The following FBXO32 variants were observed in gnomAD, a reference collection of about 807,000 sequenced individuals.
FBXO32 encodes the protein F-box protein 32.
A neutral mutation model predicts 48.3 loss-of-function variants in FBXO32; 15 were observed. That is an observed-to-expected ratio of 0.31 (90% CI 0.21 to 0.48). The LOEUF is 0.48. Ranked by LOEUF, FBXO32 falls within the 20% of genes least tolerant of loss-of-function variation. The pLI is 0.99. For missense variants in FBXO32, 309 were observed against 432.7 expected (o/e 0.71, Z 2.54); for synonymous variants, 154 against 165.9 (o/e 0.93, Z 0.55).
At chr8:123,530,580 A>C (rs1412197758) in intron 4 of FBXO32, among the ~76,000 whole-genome samples, 2 of 152,120 alleles carry the variant, frequency 1.3e-5, no homozygotes, top group African/African-American at 4.8e-5. Flanking sequence ...GGTTAAGCTG[A>C]TTTGCTTTAC....
chr8:123,509,147 C>T (rs186962103), intron 6 of FBXO32, among the ~76,000 whole-genome samples: 2 of 151,886 alleles, frequency 1.3e-5, no homozygotes, highest in East Asian at 3.9e-4. Flanking sequence ...ATTATTTTGC[C>T]AATAAAAATT....
Position 123,499,794 on chromosome 8 carries a change from G to C in FBXO32, c.*3579C>G, listed in dbSNP as rs937204243. 1 of 152,196 alleles carries C rather than the reference G, an allele frequency of 6.6e-6. No individual in the cohort carries two copies. The highest frequency in any genetic ancestry group is 1.5e-5 in the Non-Finnish European group (1 of 68,044). The allele number at this position is 152,196 out of a possible 1,614,324, so 9.4% of individuals were successfully genotyped here. ...AAACAACAGAAACAGGAGGCTGTTA[G>C]TAGCAAGCTCCTCATGGGAAAGGGT... On this transcript the variant is annotated 3_prime_UTR_variant, in exon 9 of 9. Coordinates refer to ENST00000517956, the MANE Select transcript of FBXO32 (RefSeq NM_058229.4).
chr8:123,523,749 G>A (rs902534296), intron 4 of FBXO32, among the ~76,000 whole-genome samples: 2 of 152,148 alleles, frequency 1.3e-5, no homozygotes, highest in Non-Finnish European at 2.9e-5. Flanking sequence ...AGTCTCTGAA[G>A]TGGTACTGGA....
chr8:123,532,721 C>A (rs1232822933), intron 3 of FBXO32, among the ~76,000 whole-genome samples: 1 of 152,180 alleles, frequency 6.6e-6, no homozygotes, highest in African/African-American at 2.4e-5. Context: ...CATAAAAGGG[C>A]TTTATAAAGT....
intron 8 of FBXO32, 100 bp downstream of exon 8, chr8:123,504,504 G>T: frequency 9.0e-7 from 1 of 1,115,258 alleles, no homozygotes. Flanking sequence ...GCTGTGATGG[G>T]GAAGAGGCGG....
chr8:123,509,928 C>A (rs1348369818), intron 6 of FBXO32, among the ~76,000 whole-genome samples: 3 of 152,174 alleles, frequency 2.0e-5, no homozygotes, highest in Non-Finnish European at 4.4e-5. Flanking sequence ...CCAAATTATT[C>A]TTAACTACTT....
intron 4 of FBXO32, among the ~76,000 whole-genome samples, chr8:123,516,847 G>C (rs772328691): frequency 1.3e-5 from 2 of 152,052 alleles, no homozygotes; most frequent in Non-Finnish European, 2.9e-5. Flanking sequence ...GGAGCTCACC[G>C]AGTGTCTGCT....
chr8:123,504,468 C>T (rs1816569362), intron 8 of FBXO32, 136 bp downstream of exon 8: 1 of 214,930 alleles, frequency 4.7e-6, no homozygotes, highest in South Asian at 6.5e-5. Flanking sequence ...GGCACTGAAT[C>T]AGTTTACCCT....
At chr8:123,519,243 C>CA (rs1276128691) in intron 4 of FBXO32, among the ~76,000 whole-genome samples, 1 of 152,122 alleles carries the variant, frequency 6.6e-6, no homozygotes, top group Non-Finnish European at 1.5e-5. Flanking sequence ...TCTGGGGAAA[C>CA]AGAGTCTAGA....
chr8:123,507,438 GGT>G (rs200031056), intron 6 of FBXO32, among the ~76,000 whole-genome samples: 6,202 of 139,770 alleles, frequency 0.044, 139 homozygotes, highest in Middle Eastern at 0.059. Flanking sequence ...TCTGTGCTAG[GGT>G]GTGTGTGTGT....
Position 123,540,924 on chromosome 8 carries a change from C to T in FBXO32, c.91G>A (p.Gly31Ser), listed in dbSNP as rs547984104. 5.5e-5 allele frequency: 89 copies of T among 1,613,568 alleles called. No homozygotes were observed. In the South Asian group the frequency reaches 8.9e-4, roughly 16 times the overall value. ...GWKRFLDEKS[G>S]SFVSDLSSYC... ...CTGCTGAGGTCGCTCACGAAACTGC[C>T]GCTCTTCTCATCCAGGAAGCGCTTC... Residue 31 changes from glycine to serine, a missense_variant, in exon 1 of 9, where the codon GGC becomes AGC. By Grantham distance (56) the Gly-to-Ser change is moderately conservative. Coordinates refer to ENST00000517956, the MANE Select transcript of FBXO32 (RefSeq NM_058229.4). This position sits in a 1 kb window ranked among gnomAD's most constrained non-coding sequence, Gnocchi z 6.4.
intron 8 of FBXO32, among the ~76,000 whole-genome samples, chr8:123,503,815 C>A (rs1816552051): frequency 6.6e-6 from 1 of 152,184 alleles, no homozygotes; most frequent in African/African-American, 2.4e-5. Context: ...CGATGGCTCA[C>A]ACCTGTAATC....
chr8:123,531,824 A>G, intron 4 of FBXO32, 74 bp downstream of exon 4: 1 of 1,563,558 alleles, frequency 6.4e-7, no homozygotes, highest in Non-Finnish European at 8.6e-7. Context: ...TGGGGAAACT[A>G]CTTCAAGACA....
At position 123,506,243 on chromosome 8, in the gene FBXO32, CA is replaced by C. The variant is rs1816615629; in HGVS notation, c.834+148del. 1 of 884,330 alleles carries C rather than the reference CA, an allele frequency of 1.1e-6. No homozygotes were observed. Among genetic ancestry groups the C allele is most frequent in the Non-Finnish European group, 1.7e-6 (1 of 575,286 alleles). The allele number at this position is 884,330 out of a possible 1,614,324, so 54.8% of individuals were successfully genotyped here. On this transcript the variant is annotated intron_variant, in intron 7 of 8. Transcript: ENST00000517956. The surrounding 1 kb of genome is among the most constrained non-coding windows in gnomAD (Gnocchi z 4.0). ...GACCCTGTCTCAAAAAACAAAATCA[CA>C]AAACTCCTTCAACTGTCATTTTTCA... is the stretch of plus-strand genomic sequence containing the variant.
rs1291002986 is a variant in FBXO32 at position 123,506,215 on chromosome 8, C to T, written c.834+177G>A. ...CTGCACTCCAGCCTGGGCCACAGAG[C>T]GAGACCCTGTCTCAAAAAACAAAAT... On this transcript the variant is annotated intron_variant, in intron 7 of 8. Coordinates refer to ENST00000517956, the MANE Select transcript of FBXO32 (RefSeq NM_058229.4). This position sits in a 1 kb window ranked among gnomAD's most constrained non-coding sequence, Gnocchi z 4.0. Among the ~76,000 whole-genome samples, 2 of 152,108 alleles carry T rather than the reference C, an allele frequency of 1.3e-5. No individual in the cohort carries two copies. Among genetic ancestry groups the T allele is most frequent in the African/African-American group, 2.4e-5 (1 of 41,414 alleles).
chr8:123,500,072 C>G lies in FBXO32; in HGVS notation c.*3301G>C, dbSNP rs1036635354. The G allele has an allele frequency of 2.6e-5, 4 of 152,220 alleles. No homozygotes were observed. The South Asian group carries it at 8.3e-4, about 32-fold the overall frequency. 9.4% of individuals were successfully genotyped at this position (152,220 alleles called of 1,614,324 possible). A position where few individuals can be genotyped will look rare whatever the true frequency, so the allele number is the denominator to read the frequency against. On this transcript the variant is annotated 3_prime_UTR_variant, in exon 9 of 9. Transcript: ENST00000517956. ...CATTTCTGCCATTTGCCCTCCCATT[C>G]AACTGATTTGTCTGCTCAAAGTAAC... is the stretch of plus-strand genomic sequence containing the variant.
At chr8:123,512,223 G>A (rs1395908854) in intron 6 of FBXO32, among the ~76,000 whole-genome samples, 1 of 152,164 alleles carries the variant, frequency 6.6e-6, no homozygotes, top group Non-Finnish European at 1.5e-5. Context: ...ATACCTCTGA[G>A]CCTTCGAATG....
chr8:123,503,501 G>T, intron 8 of FBXO32, 39 bp from the exon 9 acceptor site: 1 of 1,554,946 alleles, frequency 6.4e-7, no homozygotes, highest in South Asian at 1.1e-5. Context: ...GTTCTCAGAG[G>T]CCTCTCTTTG....
chr8:123,533,810 C>T (rs1025699768), intron 2 of FBXO32, among the ~76,000 whole-genome samples: 3 of 149,472 alleles, frequency 2.0e-5, no homozygotes, highest in East Asian at 2.0e-4. Context: ...TCCGTCCCCC[C>T]GCAAAAATGA....
Sources: gnomAD v4.1 joint callset for allele counts (sites outside exome capture counted in the v4.1 genomes callset) on GRCh38, gnomAD v4.1.1 for gene constraint, Gnocchi (gnomAD v3.1) non-coding constraint, MANE v1.5 for transcripts, NCBI Gene and HGNC (gene_info 2026-07-23, HGNC 2026-07-21) for gene names.